The following ITFG1 variants were observed in gnomAD, a reference collection of about 807,000 sequenced individuals.
ITFG1 encodes the protein T-cell immunomodulatory protein.
A neutral mutation model predicts 81.8 loss-of-function variants in ITFG1; 34 were observed. The observed-to-expected ratio is 0.42, with a 90% confidence interval of 0.32 to 0.55. The LOEUF is 0.55. Ranked by LOEUF, ITFG1 falls within the 20% of genes least tolerant of loss-of-function variation. The probability of loss-of-function intolerance (pLI) is 0.17; values close to 1 mark genes in which losing one functional copy is unlikely to be tolerated. For synonymous variants in ITFG1, 285 were observed against 270.6 expected, an observed-to-expected ratio of 1.05 and a Z score of -0.52; for missense variants, 672 against 755.4, an observed-to-expected ratio of 0.89 and a Z score of 1.29.
intron 10 of ITFG1, among the ~76,000 whole-genome samples, chr16:47,284,066 T>C (rs1966861227): frequency 6.6e-6 from 1 of 152,146 alleles, no homozygotes; most frequent in Non-Finnish European, 1.5e-5. Context: ...AGACAGAAAA[T>C]GGATTTGTGG....
intron 6 of ITFG1, among the ~76,000 whole-genome samples, chr16:47,419,954 CTT>C (rs75033874): frequency 2.1e-4 from 29 of 141,376 alleles, no homozygotes; most frequent in Non-Finnish European, 2.0e-4. Flanking sequence ...TTTATCTTCT[CTT>C]TTTTTTTTTT....
intron 13 of ITFG1, among the ~76,000 whole-genome samples, chr16:47,224,172 C>T (rs1965730882): frequency 1.3e-5 from 2 of 151,962 alleles, no homozygotes. Context: ...ATGTAACAAA[C>T]CTGCACATTG....
At chr16:47,402,359 A>G (rs1968672313) in intron 6 of ITFG1, among the ~76,000 whole-genome samples, 1 of 152,240 alleles carries the variant, frequency 6.6e-6, no homozygotes, top group African/African-American at 2.4e-5. Context: ...ATGATATAAA[A>G]TAAATTCTTA....
At chr16:47,185,829 TC>T (rs1965204013) in intron 14 of ITFG1, among the ~76,000 whole-genome samples, 1 of 152,168 alleles carries the variant, frequency 6.6e-6, no homozygotes, top group African/African-American at 2.4e-5. Context: ...AAGCTGGTTT[TC>T]TGAAAAGATC....
intron 8 of ITFG1, among the ~76,000 whole-genome samples, chr16:47,355,131 GA>G (rs1968020348): frequency 6.6e-6 from 1 of 151,968 alleles, no homozygotes; most frequent in Non-Finnish European, 1.5e-5. Flanking sequence ...CCAAGATAAG[GA>G]AACAACCTGA....
chr16:47,447,554 GT>G (rs1174144668), intron 5 of ITFG1, among the ~76,000 whole-genome samples: 3 of 151,994 alleles, frequency 2.0e-5, no homozygotes, highest in African/African-American at 7.3e-5. Flanking sequence ...TTGAGACAGA[GT>G]TTCACTCTGC....
chr16:47,285,115 G>C (rs1195822569), intron 10 of ITFG1, among the ~76,000 whole-genome samples: 1 of 152,138 alleles, frequency 6.6e-6, no homozygotes, highest in Non-Finnish European at 1.5e-5. Flanking sequence ...TTAGGCCTCA[G>C]AGGCAGGCCT....
At chr16:47,363,044 G>C (rs1968129475) in intron 8 of ITFG1, among the ~76,000 whole-genome samples, 1 of 152,000 alleles carries the variant, frequency 6.6e-6, no homozygotes, top group South Asian at 2.1e-4. Flanking sequence ...CCACAGGCTT[G>C]TGCCACCACG....
At position 47,226,454 on chromosome 16, in the gene ITFG1, G is replaced by A. The variant is rs373616866; in HGVS notation, c.1375-7508C>T. ...TGTTACATATGTATACATGTGCCAC[G>A]TTGGTGTGCTGCACCCATTAACTCG... On this transcript the variant is annotated intron_variant, in intron 13 of 17. Transcript: ENST00000320640. Among the ~76,000 whole-genome samples the A allele has an allele frequency of 8.5e-4, 130 of 152,176 alleles. 1 individual carries two copies. In the East Asian group the frequency reaches 0.022, roughly 26 times the overall value.
At chr16:47,460,545 G>A (rs570997948) in intron 1 of ITFG1, among the ~76,000 whole-genome samples, 2 of 152,284 alleles carry the variant, frequency 1.3e-5, no homozygotes, top group South Asian at 2.1e-4. Context: ...GTGATTCCAT[G>A]GGGAGGAGGG....
At chr16:47,220,580 A>C (rs1395668389) in intron 13 of ITFG1, among the ~76,000 whole-genome samples, 1 of 152,238 alleles carries the variant, frequency 6.6e-6, no homozygotes, top group Non-Finnish European at 1.5e-5. Flanking sequence ...CCAATACTTA[A>C]GAAACTGTTC....
chr16:47,312,936 G>A (rs1360887141), intron 9 of ITFG1: 7 of 152,098 alleles, frequency 4.6e-5, no homozygotes, highest in Non-Finnish European at 8.8e-5. Context: ...ATAGTTACTT[G>A]ACCTAAAGTT....
chr16:47,257,513 A>G (rs1214531641), intron 12 of ITFG1, among the ~76,000 whole-genome samples: 1 of 152,224 alleles, frequency 6.6e-6, no homozygotes, highest in East Asian at 1.9e-4. Context: ...AAAAATAAGT[A>G]ACACAATGAG....
intron 10 of ITFG1, among the ~76,000 whole-genome samples, chr16:47,295,390 T>G (rs1450353393): frequency 6.6e-6 from 1 of 152,228 alleles, no homozygotes; most frequent in African/African-American, 2.4e-5. Flanking sequence ...CTGGTACCAG[T>G]ACTTCTTTGT....
chr16:47,415,615 A>G (rs1316966658), intron 6 of ITFG1, among the ~76,000 whole-genome samples: 4 of 152,236 alleles, frequency 2.6e-5, no homozygotes, highest in Non-Finnish European at 5.9e-5. Flanking sequence ...TGAAAAAGGA[A>G]TTCCATTTCA....
At chr16:47,455,072 A>C (rs1969434895) in intron 2 of ITFG1, among the ~76,000 whole-genome samples, 1 of 152,218 alleles carries the variant, frequency 6.6e-6, no homozygotes, top group African/African-American at 2.4e-5. Context: ...GCCTTAAGCT[A>C]GACACAGGAG....
At chr16:47,286,311 C>T (rs1273744399) in intron 10 of ITFG1, among the ~76,000 whole-genome samples, 2 of 152,042 alleles carry the variant, frequency 1.3e-5, no homozygotes, top group East Asian at 1.9e-4. Flanking sequence ...ATAAAGGAGG[C>T]ATATCACTAG....
chr16:47,254,380 A>G lies in ITFG1; in HGVS notation c.1330+4252T>C, dbSNP rs957454922. ...CTGAGAACTGCCTACTCTCTTTAGC[A>G]TATTATTATTATTATTATTATTATT... On this transcript the variant is annotated intron_variant, in intron 12 of 17. Coordinates refer to ENST00000320640, the MANE Select transcript of ITFG1 (RefSeq NM_030790.5). Among the ~76,000 whole-genome samples, 14 of 150,986 alleles carry G rather than the reference A, an allele frequency of 9.3e-5. No individual in the cohort carries two copies. The East Asian group carries it at 2.5e-3, about 27-fold the overall frequency.
At chr16:47,452,396 C>G (rs1166547316) in intron 4 of ITFG1, among the ~76,000 whole-genome samples, 1 of 152,140 alleles carries the variant, frequency 6.6e-6, no homozygotes, top group East Asian at 1.9e-4. Context: ...ATATAGGAAT[C>G]TTTCTAAATT....
Sources: gnomAD v4.1 joint callset for allele counts (sites outside exome capture counted in the v4.1 genomes callset) on GRCh38, gnomAD v4.1.1 for gene constraint, MANE v1.5 for transcripts, NCBI Gene and HGNC (gene_info 2026-07-23, HGNC 2026-07-21) for gene names.